The following DCC variants were observed in gnomAD, a reference collection of about 807,000 sequenced individuals.
DCC encodes the protein netrin receptor DCC.
In DCC, 58 loss-of-function variants were observed where a neutral mutation model predicts 172.5. The observed-to-expected ratio is 0.34, with a 90% CI of 0.27 to 0.42. The LOEUF is 0.42. Ranked by LOEUF, DCC falls within the 10% of genes least tolerant of loss-of-function variation. The probability of loss-of-function intolerance (pLI) is 1.00; values close to 1 mark genes in which losing one functional copy is unlikely to be tolerated. For missense variants in DCC, 1,740 were observed against 1,791.0 expected (o/e 0.97, Z 0.51); for synonymous variants, 709 against 644.5 (o/e 1.10, Z -1.52).
At chr18:52,827,009 G>T (rs2038521514) in intron 2 of DCC, among the ~76,000 whole-genome samples, 1 of 152,146 alleles carries the variant, frequency 6.6e-6, no homozygotes, top group South Asian at 2.1e-4. Flanking sequence ...TAGGGTATAT[G>T]GGTGGATGCA....
chr18:52,986,283 T>C (rs1451422268), intron 5 of DCC, among the ~76,000 whole-genome samples: 1 of 152,172 alleles, frequency 6.6e-6, no homozygotes, highest in African/African-American at 2.4e-5. Flanking sequence ...GAGAGTAGTA[T>C]CATAATTTTA....
intron 1 of DCC, among the ~76,000 whole-genome samples, chr18:52,644,437 G>A (rs1598982589): frequency 6.6e-6 from 1 of 152,018 alleles, no homozygotes; most frequent in East Asian, 1.9e-4. Context: ...ACATTAGCTG[G>A]GCCTGGTGGC....
intron 2 of DCC, among the ~76,000 whole-genome samples, chr18:52,861,268 G>A (rs910070403): frequency 1.3e-5 from 2 of 152,142 alleles, no homozygotes; most frequent in Non-Finnish European, 2.9e-5. Flanking sequence ...ATGTAGACAA[G>A]GTACCAGGCC....
At chr18:53,168,129 G>C (rs1408604262) in intron 8 of DCC, among the ~76,000 whole-genome samples, 1 of 152,206 alleles carries the variant, frequency 6.6e-6, no homozygotes, top group Non-Finnish European at 1.5e-5. Context: ...GTGTAAATTA[G>C]TTCAGCCATT....
At chr18:52,816,029 G>A (rs1209632058) in intron 2 of DCC, among the ~76,000 whole-genome samples, 1 of 152,184 alleles carries the variant, frequency 6.6e-6, no homozygotes, top group Non-Finnish European at 1.5e-5. Context: ...TAATTATTGT[G>A]CCCTTGCATT....
intron 5 of DCC, among the ~76,000 whole-genome samples, chr18:53,008,781 G>T (rs2041684110): frequency 6.6e-6 from 1 of 151,800 alleles, no homozygotes; most frequent in Admixed American, 6.6e-5. Flanking sequence ...TATCAGTACT[G>T]AAAAAAGGTA....
At chr18:53,125,474 T>C (rs576390148) in intron 7 of DCC, among the ~76,000 whole-genome samples, 11 of 152,232 alleles carry the variant, frequency 7.2e-5, no homozygotes, top group African/African-American at 2.2e-4. Flanking sequence ...TCCCATCCCC[T>C]GAAATTGCAT....
At chr18:52,937,683 T>G (rs1172008930) in intron 5 of DCC, among the ~76,000 whole-genome samples, 2 of 152,032 alleles carry the variant, frequency 1.3e-5, no homozygotes, top group Admixed American at 6.6e-5. Flanking sequence ...AGTTGAGGTC[T>G]CACTATATTG....
chr18:52,583,785 AGG>A (rs983783072), intron 1 of DCC, among the ~76,000 whole-genome samples: 4 of 152,218 alleles, frequency 2.6e-5, no homozygotes, highest in South Asian at 2.1e-4. Context: ...AATATGACTT[AGG>A]TTAGGAAAGG....
chr18:53,113,916 C>T (rs1295905610), intron 7 of DCC, among the ~76,000 whole-genome samples: 1 of 151,076 alleles, frequency 6.6e-6, no homozygotes, highest in African/African-American at 2.4e-5. Flanking sequence ...TTAATTATAC[C>T]TTTACTATAT....
intron 5 of DCC, among the ~76,000 whole-genome samples, chr18:52,993,394 G>C (rs574653804): frequency 6.2e-4 from 95 of 152,240 alleles, no homozygotes; most frequent in South Asian, 2.9e-3. Flanking sequence ...TATAACTCTA[G>C]AATATTCTAA....
chr18:53,269,280 G>A (rs1449525868), intron 12 of DCC, among the ~76,000 whole-genome samples: 4 of 152,084 alleles, frequency 2.6e-5, no homozygotes, highest in Admixed American at 6.5e-5. Flanking sequence ...ATTGTTCATT[G>A]AACTTTAACA....
intron 8 of DCC, among the ~76,000 whole-genome samples, chr18:53,176,497 C>G (rs1382101629): frequency 6.7e-6 from 1 of 150,202 alleles, no homozygotes; most frequent in Non-Finnish European, 1.5e-5. Flanking sequence ...AAACAAACAA[C>G]CCCATCAAAA....
intron 2 of DCC, among the ~76,000 whole-genome samples, chr18:52,760,557 C>T (rs1411758613): frequency 6.6e-6 from 1 of 152,164 alleles, no homozygotes; most frequent in Non-Finnish European, 1.5e-5. Flanking sequence ...GTAGCATGTC[C>T]TGCACCCCAT....
intron 7 of DCC, among the ~76,000 whole-genome samples, chr18:53,106,299 C>G: frequency 6.6e-6 from 1 of 152,052 alleles, no homozygotes; most frequent in Admixed American, 6.6e-5. Flanking sequence ...ATGTCCTGTT[C>G]CCAGCTTTCT....
intron 27 of DCC, among the ~76,000 whole-genome samples, chr18:53,503,433 C>T (rs763459536): frequency 1.8e-4 from 27 of 152,058 alleles, no homozygotes; most frequent in Non-Finnish European, 2.9e-4. Flanking sequence ...TATCTATAGA[C>T]GTGAATAACC....
chr18:53,506,292 C>T (rs1320242504), intron 27 of DCC, among the ~76,000 whole-genome samples: 2 of 152,042 alleles, frequency 1.3e-5, no homozygotes, highest in African/African-American at 2.4e-5. Context: ...TTAGACAAAC[C>T]AGAGCGACTT....
At chr18:53,024,892 A>T (rs1302196966) in intron 5 of DCC, among the ~76,000 whole-genome samples, 1 of 152,112 alleles carries the variant, frequency 6.6e-6, no homozygotes, top group East Asian at 1.9e-4. Flanking sequence ...AAAACACTCT[A>T]CCTGTGTATA....
At chr18:52,760,179 G>T (rs1258266891) in intron 2 of DCC, among the ~76,000 whole-genome samples, 1 of 152,106 alleles carries the variant, frequency 6.6e-6, no homozygotes, top group African/African-American at 2.4e-5. Context: ...TGGTGGAAAG[G>T]GAAGCAAACA....
Sources: gnomAD v4.1 joint callset for allele counts (sites outside exome capture counted in the v4.1 genomes callset) on GRCh38, gnomAD v4.1.1 for gene constraint, MANE v1.5 for transcripts, NCBI Gene and HGNC (gene_info 2026-07-23, HGNC 2026-07-21) for gene names.